Variants in GAS6 observed in about 807,000 individuals in gnomAD.
The protein encoded by GAS6 is growth arrest specific 6, also known as growth arrest-specific protein 6.
Under a neutral mutation model 75.8 loss-of-function variants are expected in GAS6, and 41 were observed. The ratio of observed to expected loss-of-function variants is 0.54; its 90% confidence interval spans 0.42 to 0.70. GAS6 has a LOEUF of 0.70. GAS6 is among the 30% of genes least tolerant of loss of function. The pLI is 0.00. For missense variants in GAS6, 854 were observed against 940.2 expected (o/e 0.91, Z 1.20); for synonymous variants, 432 against 412.6 (o/e 1.05, Z -0.57).
At chr13:113,828,469 T>C in intron 11 of GAS6, 78 bp downstream of exon 11, 1 of 1,459,598 alleles carries the variant, frequency 6.9e-7, no homozygotes, top group South Asian at 1.3e-5. Flanking sequence ...CAGGGCAGGG[T>C]GTGACTGAGG....
intron 2 of GAS6, among the ~76,000 whole-genome samples, chr13:113,849,262 G>A (rs559416997): frequency 7.2e-5 from 11 of 152,264 alleles, no homozygotes; most frequent in East Asian, 1.9e-4. Flanking sequence ...GAGGGCGGCC[G>A]CCCTGAAGGC....
At chr13:113,849,512 G>A (rs1215712262) in intron 2 of GAS6, among the ~76,000 whole-genome samples, 3 of 152,138 alleles carry the variant, frequency 2.0e-5, no homozygotes, top group South Asian at 2.1e-4. Context: ...AAAGACTTGC[G>A]AGGGATGCAA....
chr13:113,830,148 C>T (rs1307165374), intron 10 of GAS6, among the ~76,000 whole-genome samples: 1 of 152,244 alleles, frequency 6.6e-6, no homozygotes, highest in Non-Finnish European at 1.5e-5. Flanking sequence ...GAAGAATATC[C>T]TTCTTCCTGT....
Position 113,839,757 on chromosome 13 carries a change from G to GC in GAS6, c.436dup (p.Ala146GlyfsTer32). Reference sequence around the variant, plus strand: ...GTCGCAGAGCCGGCCCCCCCAGCCAGCTTTACACAGGCAGAAGAAGTTGCC... The same window carrying GC: ...GTCGCAGAGCCGGCCCCCCCAGCCAGCCTTTACACAGGCAGAAGAAGTTGCC... On this transcript the variant is annotated frameshift_variant, in exon 5 of 15. Coordinates refer to ENST00000327773, the MANE Select transcript of GAS6 (RefSeq NM_000820.4). LOFTEE classifies it high-confidence loss of function. The GC allele has an allele frequency of 9.3e-6, 15 of 1,614,020 alleles. No homozygotes were observed. The highest frequency in any genetic ancestry group is 1.3e-5 in the Non-Finnish European group (15 of 1,180,002).
intron 2 of GAS6, among the ~76,000 whole-genome samples, chr13:113,857,783 G>C (rs2051925910): frequency 6.6e-6 from 1 of 152,262 alleles, no homozygotes; most frequent in South Asian, 2.1e-4. Flanking sequence ...GTTTTCCACA[G>C]ATGTGAAGCT....
intron 8 of GAS6, chr13:113,833,272 G>A: frequency 9.6e-7 from 1 of 1,043,858 alleles, no homozygotes; most frequent in South Asian, 3.5e-5. Flanking sequence ...AGGGTGAGCT[G>A]GACATCTCGC....
At position 113,820,684 on chromosome 13, in the gene GAS6, G is replaced by A. The variant is rs920345028; in HGVS notation, c.*180C>T. On this transcript the variant is annotated 3_prime_UTR_variant, in exon 15 of 15. Coordinates refer to ENST00000327773, the MANE Select transcript of GAS6 (RefSeq NM_000820.4). ...CCGGCCTCCCCGCGCCCGGGCCCAC[G>A]GCTGAGTGCGCGGCGTCAGAGGCCC... is the stretch of plus-strand genomic sequence containing the variant. The A allele has an allele frequency of 2.0e-5, 14 of 710,714 alleles. No homozygotes were observed. The highest frequency in any genetic ancestry group is 4.1e-4 in the Middle Eastern group (1 of 2,452). 44.0% of individuals were successfully genotyped at this position (710,714 alleles called of 1,614,324 possible). A position where few individuals can be genotyped will look rare whatever the true frequency, so the allele number is the denominator to read the frequency against.
chr13:113,833,252 G>C, intron 8 of GAS6: 1 of 1,047,598 alleles, frequency 9.5e-7, no homozygotes, highest in Non-Finnish European at 1.2e-6. Flanking sequence ...CCTGCCCACC[G>C]TGGGCAGCCA....
intron 13 of GAS6, 199 bp downstream of exon 13, chr13:113,823,176 G>T: frequency 1.8e-6 from 1 of 560,202 alleles, no homozygotes; most frequent in Non-Finnish European, 3.1e-6. Flanking sequence ...TCAGCTGTGT[G>T]GCGGTGACCT....
Position 113,838,024 on chromosome 13 carries a change from GGTGGGGA to G in GAS6, c.589+38_589+44del, listed in dbSNP as rs750052459. 6.2e-6 allele frequency: 10 copies of G among 1,604,288 alleles called. No individual in the cohort carries two copies. In the African/African-American group the frequency reaches 1.3e-4, roughly 21 times the overall value. ...AGAGCAGACATGACCGAAAATAGAA[GGTGGGGA>G]GAGGAGAGAGGAGAGAGGCCTCACC... On this transcript the variant is annotated intron_variant, in intron 6 of 14. Coordinates refer to ENST00000327773, the MANE Select transcript of GAS6 (RefSeq NM_000820.4).
Position 113,845,579 on chromosome 13 carries a change from A to G in GAS6, c.343+948T>C, listed in dbSNP as rs986059988. 1.4e-5 allele frequency: 2 copies of G among 146,032 alleles called. No homozygotes were observed. The highest frequency in any genetic ancestry group is 2.7e-5 in the African/African-American group (1 of 36,384). The allele number at this position is 146,032 out of a possible 1,614,324, so 9.0% of individuals were successfully genotyped here. Reference sequence around the variant, plus strand: ...TTGCATGATAATTTTAAAATAATAAAAAAGACTTGTGGCAAGCTGAAAAAA... The same window carrying G: ...TTGCATGATAATTTTAAAATAATAAGAAAGACTTGTGGCAAGCTGAAAAAA... On this transcript the variant is annotated intron_variant, in intron 4 of 14. Coordinates refer to ENST00000327773, the MANE Select transcript of GAS6 (RefSeq NM_000820.4). The surrounding 1 kb of genome is among the most constrained non-coding windows in gnomAD (Gnocchi z 4.3).
At chr13:113,829,821 A>T (rs1298971569) in intron 10 of GAS6, among the ~76,000 whole-genome samples, 1 of 139,782 alleles carries the variant, frequency 7.2e-6, no homozygotes, top group Non-Finnish European at 1.5e-5. Flanking sequence ...GCCAAGAGGG[A>T]CCTGACCTCG....
chr13:113,821,058 C>T (rs763197774), intron 14 of GAS6, 40 bp from the exon 15 acceptor site: 13 of 1,594,996 alleles, frequency 8.2e-6, no homozygotes, highest in African/African-American at 2.7e-5. Flanking sequence ...TAGCTCACCA[C>T]GTGGCCGGCC....
Position 113,848,147 on chromosome 13 carries a change from C to T in GAS6, c.256-97G>A, listed in dbSNP as rs2051848239. 4.4e-6 allele frequency: 6 copies of T among 1,367,628 alleles called. No homozygotes were observed. The highest frequency in any genetic ancestry group is 2.9e-5 in the African/African-American group (2 of 68,186). 84.7% of individuals were successfully genotyped at this position (1,367,628 alleles called of 1,614,324 possible). On this transcript the variant is annotated intron_variant, in intron 2 of 14. Transcript: ENST00000327773. The surrounding 1 kb of genome is among the most constrained non-coding windows in gnomAD (Gnocchi z 4.8). ...CAGCTGGTTAATCAGAGGCTGCTCTCGGGGCAGCCAGAGGGCCGCCCCACC... is the reference window on the plus strand; with the variant it reads ...CAGCTGGTTAATCAGAGGCTGCTCTTGGGGCAGCCAGAGGGCCGCCCCACC...
intron 2 of GAS6, among the ~76,000 whole-genome samples, chr13:113,858,647 C>CTA (rs145150581): frequency 2.2e-4 from 29 of 133,266 alleles, no homozygotes; most frequent in Middle Eastern, 4.1e-3. Flanking sequence ...GTGTTTGTGA[C>CTA]TGTATGTGTA....
intron 2 of GAS6, among the ~76,000 whole-genome samples, chr13:113,854,889 G>A (rs1164801083): frequency 6.6e-6 from 1 of 152,214 alleles, no homozygotes; most frequent in Non-Finnish European, 1.5e-5. Context: ...GGAAAGTGCT[G>A]ACTAAAGACA....
chr13:113,835,690 T>C, intron 6 of GAS6, 55 bp from the exon 7 acceptor site: 1 of 1,591,848 alleles, frequency 6.3e-7, no homozygotes. Context: ...CAGACGGGGC[T>C]GGGGCAGGCG....
intron 6 of GAS6, among the ~76,000 whole-genome samples, chr13:113,836,999 G>A (rs1442722199): frequency 6.6e-6 from 1 of 151,620 alleles, no homozygotes; most frequent in Non-Finnish European, 1.5e-5. Flanking sequence ...CCTAGACTTT[G>A]CCGGGAGTGC....
Position 113,832,756 on chromosome 13 carries a change from C to G in GAS6, c.835-4G>C, listed in dbSNP as rs764065889. On this transcript the variant is annotated splice_polypyrimidine_tract_variant and splice_region_variant and intron_variant, in intron 8 of 14. Transcript: ENST00000327773. ...AGGGCACGCACGGCAAGATGTCCTG[C>G]CACGGACGGGGGCCACGCCGGTCGG... 1 of 1,612,444 alleles carries G rather than the reference C, an allele frequency of 6.2e-7. No homozygotes were observed. The highest frequency in any genetic ancestry group is 1.3e-5 in the African/African-American group (1 of 74,944).
Sources: allele counts gnomAD v4.1 joint callset (sites outside exome capture counted in the v4.1 genomes callset), GRCh38; gene constraint gnomAD v4.1.1; non-coding constraint Gnocchi (gnomAD v3.1); transcripts MANE v1.5; gene names NCBI Gene and HGNC (gene_info 2026-07-23, HGNC 2026-07-21).